The following FNDC3A variants were observed in gnomAD, a reference collection of about 807,000 sequenced individuals.
FNDC3A encodes fibronectin type III domain containing 3A.
FNDC3A carries 32 observed loss-of-function variants against 148.9 expected under a neutral mutation model. The ratio of observed to expected loss-of-function variants is 0.21; its 90% confidence interval spans 0.16 to 0.29. FNDC3A has a LOEUF of 0.29. Ranked by LOEUF, FNDC3A falls within the 10% of genes least tolerant of loss-of-function variation. The pLI is 1.00. For missense variants in FNDC3A, 1,191 were observed against 1,452.8 expected, an observed-to-expected ratio of 0.82 and a Z score of 2.93; for synonymous variants, 472 against 473.6, an observed-to-expected ratio of 1.00 and a Z score of 0.04.
rs115259005 is a variant in FNDC3A, at chr13:49,050,901, T to C, written c.100-24388T>C. Among the ~76,000 whole-genome samples the C allele has an allele frequency of 7.6e-3, 1,162 of 152,312 alleles. 19 individuals carry two copies. Among genetic ancestry groups the C allele is most frequent in the African/African-American group, 0.027 (1,103 of 41,556 alleles). ...TCCTTTTATCATTATATAATGTCTC[T>C]CTTTGTCTTTTTTTAACTGCTGTTG... On this transcript the variant is annotated intron_variant, in intron 2 of 25. Coordinates refer to ENST00000492622, the MANE Select transcript of FNDC3A (RefSeq NM_001079673.2).
chr13:49,079,202 A>G (rs1360492032), intron 3 of FNDC3A, among the ~76,000 whole-genome samples: 1 of 152,246 alleles, frequency 6.6e-6, no homozygotes, highest in African/African-American at 2.4e-5. Flanking sequence ...TTCTGGAAAG[A>G]CAAATTGCTA....
At chr13:49,162,395 G>C (rs12427636) in intron 8 of FNDC3A, among the ~76,000 whole-genome samples, 3,061 of 152,100 alleles carry the variant, frequency 0.02, 48 homozygotes, top group Middle Eastern at 0.041. Context: ...CCACTTGATG[G>C]AATCTGGTAC....
At chr13:49,206,339 T>C (rs1213803558) in intron 25 of FNDC3A, among the ~76,000 whole-genome samples, 1 of 151,440 alleles carries the variant, frequency 6.6e-6, no homozygotes, top group Non-Finnish European at 1.5e-5. Flanking sequence ...ATATAGCTTC[T>C]TATTTATGCC....
intron 4 of FNDC3A, among the ~76,000 whole-genome samples, chr13:49,119,102 GAGCTCC>G (rs2137890469): frequency 6.6e-6 from 1 of 152,284 alleles, no homozygotes; most frequent in East Asian, 1.9e-4. Context: ...TCATACAGGA[GAGCTCC>G]AGCTGGCATC....
intron 8 of FNDC3A, among the ~76,000 whole-genome samples, chr13:49,151,555 A>G (rs1304131487): frequency 6.6e-6 from 1 of 151,990 alleles, no homozygotes; most frequent in Non-Finnish European, 1.5e-5. Context: ...TTTAAGTAGA[A>G]AGTTTTTTGT....
intron 1 of FNDC3A, among the ~76,000 whole-genome samples, chr13:48,986,071 G>T (rs1239046302): frequency 1.3e-5 from 2 of 152,162 alleles, no homozygotes; most frequent in Non-Finnish European, 2.9e-5. Context: ...TCTGTATAGT[G>T]TTGGATCTGA....
chr13:49,143,348 G>A (rs1247029015), intron 7 of FNDC3A, among the ~76,000 whole-genome samples: 2 of 151,546 alleles, frequency 1.3e-5, no homozygotes, highest in Non-Finnish European at 3.0e-5. Context: ...ACAATAGTAA[G>A]ACCCAGTCTC....
chr13:49,007,242 T>C (rs889918758), intron 2 of FNDC3A, among the ~76,000 whole-genome samples: 18 of 152,138 alleles, frequency 1.2e-4, no homozygotes, highest in African/African-American at 4.3e-4. Flanking sequence ...GATAAAGGGC[T>C]ACTATTGAAA....
chr13:49,073,722 TAATA>T (rs1877873521), intron 2 of FNDC3A, among the ~76,000 whole-genome samples: 1 of 146,808 alleles, frequency 6.8e-6, no homozygotes. Context: ...TGTGTATATA[TAATA>T]TATATGTATA....
chr13:49,026,924 G>A (rs1329957436), intron 2 of FNDC3A, among the ~76,000 whole-genome samples: 3 of 152,070 alleles, frequency 2.0e-5, no homozygotes, highest in African/African-American at 7.2e-5. Flanking sequence ...AGACAGCAGA[G>A]GAAGGATTGA....
At chr13:49,052,752 C>T (rs1158512227) in intron 2 of FNDC3A, among the ~76,000 whole-genome samples, 1 of 152,122 alleles carries the variant, frequency 6.6e-6, no homozygotes, top group East Asian at 1.9e-4. Flanking sequence ...TTTCAGGTGT[C>T]TCAGGTGGTG....
chr13:49,081,024 G>T (rs973312459), intron 3 of FNDC3A, among the ~76,000 whole-genome samples: 1 of 152,178 alleles, frequency 6.6e-6, no homozygotes, highest in African/African-American at 2.4e-5. Flanking sequence ...AACGTTTAAG[G>T]TGAGTGAAGA....
At chr13:49,040,199 A>G (rs1274615106) in intron 2 of FNDC3A, among the ~76,000 whole-genome samples, 1 of 152,232 alleles carries the variant, frequency 6.6e-6, no homozygotes, top group African/African-American at 2.4e-5. Flanking sequence ...CTGTTATTCA[A>G]GAAGTAATGT....
At chr13:49,127,126 C>G (rs1881748508) in intron 4 of FNDC3A, among the ~76,000 whole-genome samples, 1 of 152,214 alleles carries the variant, frequency 6.6e-6, no homozygotes, top group Admixed American at 6.5e-5. Context: ...ACCCGGTTCC[C>G]CCACTGGGAT....
At chr13:49,052,959 A>T (rs1248319274) in intron 2 of FNDC3A, among the ~76,000 whole-genome samples, 1 of 152,116 alleles carries the variant, frequency 6.6e-6, no homozygotes, top group Non-Finnish European at 1.5e-5. Flanking sequence ...GGGGGTTTAC[A>T]GCTGCCTCTA....
Position 49,047,259 on chromosome 13 carries a change from G to A in FNDC3A, c.100-28030G>A, listed in dbSNP as rs558243064. 3.3e-5 allele frequency among the ~76,000 whole-genome samples: 5 copies of A among 151,894 alleles called. No individual in the cohort carries two copies. The South Asian group carries it at 6.2e-4, about 19-fold the overall frequency. On this transcript the variant is annotated intron_variant, in intron 2 of 25. Coordinates refer to ENST00000492622, the MANE Select transcript of FNDC3A (RefSeq NM_001079673.2). Reference sequence around the variant, plus strand: ...GCTGGTTACATATTTTTGCAGTTGCGAATTGTGCTGCTATAAACATGCATG... The same window carrying A: ...GCTGGTTACATATTTTTGCAGTTGCAAATTGTGCTGCTATAAACATGCATG...
chr13:49,200,400 G>T (rs1202482359), intron 23 of FNDC3A, among the ~76,000 whole-genome samples: 2 of 152,092 alleles, frequency 1.3e-5, no homozygotes, highest in Non-Finnish European at 2.9e-5. Flanking sequence ...TTTGTTCTTG[G>T]CAGAATTTTA....
chr13:49,167,192 G>T, intron 8 of FNDC3A, 52 bp from the exon 9 acceptor site: 1 of 1,094,318 alleles, frequency 9.1e-7, no homozygotes, highest in Non-Finnish European at 1.4e-6. Flanking sequence ...AATGTACATT[G>T]GTTGAAAATG....
intron 3 of FNDC3A, among the ~76,000 whole-genome samples, chr13:49,101,788 G>C (rs983362337): frequency 1.5e-4 from 21 of 144,134 alleles, no homozygotes; most frequent in African/African-American, 5.3e-4. Flanking sequence ...GACTATACCT[G>C]CTTTAGTTTT....
Sources: gnomAD v4.1 joint callset for allele counts (sites outside exome capture counted in the v4.1 genomes callset) on GRCh38, gnomAD v4.1.1 for gene constraint, MANE v1.5 for transcripts, NCBI Gene and HGNC (gene_info 2026-07-23, HGNC 2026-07-21) for gene names.